AKAP9: variants seen among roughly 807,000 people sequenced by gnomAD.
AKAP9 encodes the protein A-kinase anchor protein 9.
AKAP9 carries 311 observed loss-of-function variants against 488.5 expected under a neutral mutation model. The observed-to-expected ratio is 0.64, with a 90% CI of 0.58 to 0.70. The LOEUF is 0.70. Among genes scored for constraint, AKAP9 ranks in the 30% least tolerant of loss-of-function variants. The pLI, the probability that AKAP9 is intolerant of heterozygous loss-of-function variation, is 0.00. For missense variants in AKAP9, 4,215 were observed against 4,374.5 expected, an observed-to-expected ratio of 0.96 and a Z score of 1.03; for synonymous variants, 1,462 against 1,483.5, an observed-to-expected ratio of 0.99 and a Z score of 0.33.
intron 1 of AKAP9, among the ~76,000 whole-genome samples, chr7:91,956,720 T>C (rs1453925703): frequency 2.6e-5 from 4 of 152,158 alleles, no homozygotes; most frequent in Non-Finnish European, 5.9e-5. Context: ...ACAGTCCAGA[T>C]TGATTTAAGG....
rs773907433 is a variant in AKAP9, at chr7:91,992,110, A to G, written c.352-48A>G. ...TTAACAGAAATATTGTTAGCTAAATAAAATTATGTCTAAGATCATAATATA... is the reference window on the plus strand; with the variant it reads ...TTAACAGAAATATTGTTAGCTAAATGAAATTATGTCTAAGATCATAATATA... On this transcript the variant is annotated intron_variant, in intron 3 of 49. Transcript: ENST00000356239. 2.8e-6 allele frequency: 4 copies of G among 1,438,576 alleles called. No individual in the cohort carries two copies. The African/African-American group carries it at 5.6e-5, about 20-fold the overall frequency. 89.1% of individuals were successfully genotyped at this position (1,438,576 alleles called of 1,614,324 possible).
rs773275845 is a variant in AKAP9, at chr7:92,042,044, A to G, written c.4918-2A>G. On this transcript the variant is annotated splice_acceptor_variant, in intron 18 of 49. Transcript: ENST00000356239. LOFTEE classifies it high-confidence loss of function. ...TCTTTCATGACCTTTTTTCTTATTT[A>G]GAGATCCTCCATAGATAATGAAAAC... 7 of 1,613,514 alleles carry G rather than the reference A, an allele frequency of 4.3e-6. No homozygotes were observed. The highest frequency in any genetic ancestry group is 5.9e-6 in the Non-Finnish European group (7 of 1,179,724).
At chr7:92,090,580 C>T (rs2130885909) in intron 38 of AKAP9, 1 of 151,038 alleles carries the variant, frequency 6.6e-6, no homozygotes, top group East Asian at 1.9e-4. Context: ...TGAAATCACA[C>T]CACTGCACTC....
chr7:92,082,687 A>C, intron 32 of AKAP9, 25 bp downstream of exon 32: 2 of 1,612,420 alleles, frequency 1.2e-6, no homozygotes, highest in Non-Finnish European at 1.7e-6. Context: ...ATAGCTCCTA[A>C]TTCACTCATT....
In AKAP9 at chr7:92,107,172, A is replaced by G. The variant is rs1467004417; in HGVS notation, c.11417-121A>G. ...TTATCAAGAATAATAGAAAATGACT[A>G]TAAATAGGAGATTGTATAATATAGT... On this transcript the variant is annotated intron_variant, in intron 47 of 49. Transcript: ENST00000356239. 5 of 990,740 alleles carry G rather than the reference A, an allele frequency of 5.0e-6. No homozygotes were observed. In the East Asian group the frequency reaches 1.3e-4, roughly 25 times the overall value. The allele number at this position is 990,740 out of a possible 1,614,324, so 61.4% of individuals were successfully genotyped here.
Position 92,105,767 on chromosome 7 carries a change from A to C in AKAP9, c.11416+4A>C. 6.2e-7 allele frequency: 1 copy of C among 1,609,928 alleles called. No homozygotes were observed. On this transcript the variant is annotated splice_donor_region_variant and intron_variant, in intron 47 of 49. Coordinates refer to ENST00000356239, the MANE Select transcript of AKAP9 (RefSeq NM_005751.5). The stretch of plus-strand genomic sequence containing the variant: ...GATGGCTTTGGACTGAATCAAGGTG[A>C]AGTCAAAATAGCATATTTTCTTATG...
chr7:91,942,387 T>A (rs1790877421), intron 1 of AKAP9, among the ~76,000 whole-genome samples: 1 of 152,238 alleles, frequency 6.6e-6, no homozygotes, highest in Non-Finnish European at 1.5e-5. Flanking sequence ...AGATCAAGGT[T>A]TAAATGCTTG....
intron 8 of AKAP9, among the ~76,000 whole-genome samples, chr7:92,004,655 G>A (rs1163023461): frequency 6.6e-6 from 1 of 152,074 alleles, no homozygotes; most frequent in Non-Finnish European, 1.5e-5. Context: ...TGTGATTTTT[G>A]CACATTGATT....
Position 92,102,725 on chromosome 7 carries a change from G to T in AKAP9, c.11229G>T (p.Met3743Ile), listed in dbSNP as rs143306820. ...EDATLALLARMGGQPAFTDLE... is the reference protein window; with the variant it reads ...EDATLALLARIGGQPAFTDLE... Reference sequence around the variant, plus strand: ...CCACCTTGGCCCTGCTTGCCCGGATGGGGGGGCAGCCAGCTTTCACGGATC... The same window carrying T: ...CCACCTTGGCCCTGCTTGCCCGGATTGGGGGGCAGCCAGCTTTCACGGATC... The change falls in exon 46 of 50, where the codon ATG (methionine) becomes ATT (isoleucine). Residue 3743 changes from methionine to isoleucine, a missense_variant. By Grantham distance (10) the Met-to-Ile change is conservative (BLOSUM62 1). Around this residue, in one of 5 missense-constraint regions of AKAP9, gnomAD observed 253 missense variants for 266.8 expected, o/e 0.95. Coordinates refer to ENST00000356239, the MANE Select transcript of AKAP9 (RefSeq NM_005751.5). 280 of 1,614,106 alleles carry T rather than the reference G, an allele frequency of 1.7e-4. 1 individual carries two copies. Among genetic ancestry groups the T allele is most frequent in the Middle Eastern group, 9.9e-4 (6 of 6,062 alleles).
chr7:91,947,312 A>C (rs1254523406), intron 1 of AKAP9, among the ~76,000 whole-genome samples: 1 of 151,992 alleles, frequency 6.6e-6, no homozygotes, highest in East Asian at 1.9e-4. Flanking sequence ...TTGAATGCCT[A>C]CGACTGCAGC....
chr7:92,079,555 T>C lies in AKAP9; in HGVS notation c.7422T>C (p.Leu2474=), dbSNP rs1178839853. Residue 2474 remains leucine (L), a synonymous_variant, in exon 31 of 50, where the codon CTT becomes CTC. Transcript: ENST00000356239. ...AAGTAGTCCTTACAGAGGATGCTCT[T>C]AAATCCCTAGAAAATCAGACATACT... is the stretch of plus-strand genomic sequence containing the variant. ...ELEVVLTEDA[L]KSLENQTYFK... is the part of the protein sequence containing the mutation. 6.2e-7 allele frequency: 1 copy of C among 1,613,776 alleles called. No homozygotes were observed. Among genetic ancestry groups the C allele is most frequent in the African/African-American group, 1.3e-5 (1 of 75,046 alleles).
chr7:92,031,622 C>T lies in AKAP9; in HGVS notation c.4338+18C>T, dbSNP rs1183331120. ...TAGCTAAGGTAGGCTTATAGCTTAT[C>T]TGGAAGATTATCTTGGTTTATATTC... On this transcript the variant is annotated intron_variant, in intron 16 of 49. Transcript: ENST00000356239. The T allele has an allele frequency of 2.6e-6, 4 of 1,544,106 alleles. No homozygotes were observed. Among genetic ancestry groups the T allele is most frequent in the Non-Finnish European group, 3.6e-6 (4 of 1,117,116 alleles).
chr7:91,971,714 C>G (rs915436470), intron 1 of AKAP9, among the ~76,000 whole-genome samples: 1 of 151,490 alleles, frequency 6.6e-6, no homozygotes, highest in Non-Finnish European at 1.5e-5. Context: ...ATTACAGGCG[C>G]CTGCCACCAC....
At chr7:92,061,621 A>ATAT (rs1809856756) in intron 23 of AKAP9, among the ~76,000 whole-genome samples, 199 bp downstream of exon 23, 8 of 93,882 alleles carry the variant, frequency 8.5e-5, no homozygotes, top group African/African-American at 2.9e-4. Flanking sequence ...TATATATATA[A>ATAT]AATTATAAAA....
intron 17 of AKAP9, among the ~76,000 whole-genome samples, chr7:92,040,143 A>G (rs1805829370): frequency 1.3e-5 from 2 of 152,336 alleles, no homozygotes; most frequent in Admixed American, 6.5e-5. Flanking sequence ...TTGACTTCTT[A>G]TGAGTGTGAG....
chr7:92,059,023 A>G (rs1809288745), intron 22 of AKAP9, among the ~76,000 whole-genome samples: 1 of 152,012 alleles, frequency 6.6e-6, no homozygotes, highest in African/African-American at 2.4e-5. Context: ...TTTCAGGTTC[A>G]CTACAGGTTA....
chr7:92,062,725 T>C (rs1467826393), intron 24 of AKAP9, among the ~76,000 whole-genome samples: 1 of 152,202 alleles, frequency 6.6e-6, no homozygotes, highest in Non-Finnish European at 1.5e-5. Flanking sequence ...GTTCTTCATT[T>C]ATCCTCAAAC....
intron 39 of AKAP9, among the ~76,000 whole-genome samples, chr7:92,094,726 G>A (rs750098584): frequency 1.3e-5 from 2 of 152,110 alleles, no homozygotes; most frequent in South Asian, 4.1e-4. Flanking sequence ...CCAGCTACCC[G>A]GGAGGCTGAG....
intron 28 of AKAP9, among the ~76,000 whole-genome samples, chr7:92,072,163 A>G (rs1811833281): frequency 6.6e-6 from 1 of 152,190 alleles, no homozygotes; most frequent in African/African-American, 2.4e-5. Flanking sequence ...TACTGATTTT[A>G]TATTTTTATT....
Sources: gnomAD v4.1 joint callset for allele counts (sites outside exome capture counted in the v4.1 genomes callset) on GRCh38, gnomAD v4.1.1 for gene constraint, gnomAD v4.1.1 regional missense constraint, MANE v1.5 for transcripts, NCBI Gene and HGNC (gene_info 2026-07-23, HGNC 2026-07-21) for gene names.